NCOA6: variants seen among roughly 807,000 people sequenced by gnomAD.
NCOA6 encodes nuclear receptor coactivator 6.
In NCOA6, 49 loss-of-function variants were observed where a neutral mutation model predicts 171.4. The observed-to-expected ratio is 0.29, with a 90% CI of 0.23 to 0.36. The LOEUF is 0.36. Ranked by LOEUF, NCOA6 falls within the 10% of genes least tolerant of loss-of-function variation. The pLI is 1.00. For missense variants in NCOA6, 2,248 were observed against 2,554.5 expected (o/e 0.88, Z 2.59); for synonymous variants, 910 against 927.5 (o/e 0.98, Z 0.34).
At chr20:34,799,199 T>A (rs1395639708) in intron 1 of NCOA6, among the ~76,000 whole-genome samples, 2 of 151,954 alleles carry the variant, frequency 1.3e-5, no homozygotes, top group Non-Finnish European at 2.9e-5. Context: ...GCAACTGACA[T>A]ACTAAAGAAT....
chr20:34,754,634 T>G, intron 8 of NCOA6, 88 bp downstream of exon 8: 1 of 1,492,148 alleles, frequency 6.7e-7, no homozygotes, highest in East Asian at 2.3e-5. Flanking sequence ...GACCAAGACT[T>G]ATTACTTATC....
intron 3 of NCOA6, chr20:34,776,723 A>T: frequency 1.8e-6 from 1 of 550,824 alleles, no homozygotes; most frequent in African/African-American, 1.9e-5. Flanking sequence ...TTTGGGTACA[A>T]ATTAGATAAT....
chr20:34,715,298 G>GT lies in NCOA6; in HGVS notation c.*23dup. 1 of 1,613,854 alleles carries GT rather than the reference G, an allele frequency of 6.2e-7. No homozygotes were observed. The highest frequency in any genetic ancestry group is 8.5e-7 in the Non-Finnish European group (1 of 1,179,782). On this transcript the variant is annotated 3_prime_UTR_variant, in exon 15 of 15. Coordinates refer to ENST00000359003, the MANE Select transcript of NCOA6 (RefSeq NM_014071.5). ...TTGTAAAAGTCACACACATTTCCAA[G>GT]TATCAAGTCGCAGTCCTGCTTGTTT...
At chr20:34,735,345 G>T (rs1022950592) in intron 12 of NCOA6, among the ~76,000 whole-genome samples, 7 of 152,084 alleles carry the variant, frequency 4.6e-5, no homozygotes, top group African/African-American at 1.7e-4. Context: ...TGGCAGCAAA[G>T]AAAGAATCTG....
chr20:34,776,285 TA>T lies in NCOA6; in HGVS notation c.391+7del. The T allele has an allele frequency of 2.5e-6, 4 of 1,612,630 alleles. No homozygotes were observed. The highest frequency in any genetic ancestry group is 3.4e-6 in the Non-Finnish European group (4 of 1,179,636). ...TGGTCTAGATGGGCACATGGCAAAG[TA>T]AAAGACCTTCAATCTGAACGGAGAG... On this transcript the variant is annotated splice_region_variant and intron_variant, in intron 4 of 14. Transcript: ENST00000359003.
At chr20:34,817,773 A>C (rs1354555080) in intron 1 of NCOA6, among the ~76,000 whole-genome samples, 1 of 152,216 alleles carries the variant, frequency 6.6e-6, no homozygotes, top group Non-Finnish European at 1.5e-5. Context: ...CACCCAATCT[A>C]GTGAGAAGTA....
chr20:34,801,917 A>C (rs78395534), intron 1 of NCOA6, among the ~76,000 whole-genome samples: 4,399 of 152,298 alleles, frequency 0.029, 226 homozygotes, highest in African/African-American at 0.1. Context: ...AAAAGCCACA[A>C]TAAAAAAGAA....
At chr20:34,799,313 A>G (rs972199340) in intron 1 of NCOA6, among the ~76,000 whole-genome samples, 1 of 152,236 alleles carries the variant, frequency 6.6e-6, no homozygotes, top group African/African-American at 2.4e-5. Flanking sequence ...AAAAGAATGA[A>G]GCACATCTAC....
At chr20:34,773,653 AG>A (rs1193889476) in intron 4 of NCOA6, among the ~76,000 whole-genome samples, 4 of 152,204 alleles carry the variant, frequency 2.6e-5, no homozygotes, top group African/African-American at 9.7e-5. Context: ...CCTCCCGAGT[AG>A]CTGGGACTAT....
chr20:34,761,420 A>C (rs538621415), intron 5 of NCOA6, among the ~76,000 whole-genome samples: 1 of 151,988 alleles, frequency 6.6e-6, no homozygotes, highest in African/African-American at 2.4e-5. Flanking sequence ...TTAAATCACT[A>C]AGTATTTATA....
chr20:34,719,109 G>A (rs892441547), intron 14 of NCOA6, among the ~76,000 whole-genome samples: 2 of 152,142 alleles, frequency 1.3e-5, no homozygotes, highest in African/African-American at 4.8e-5. Flanking sequence ...ATGTCACTGG[G>A]GGAACATTTA....
At chr20:34,803,086 C>T (rs2146493564) in intron 1 of NCOA6, among the ~76,000 whole-genome samples, 1 of 152,180 alleles carries the variant, frequency 6.6e-6, no homozygotes, top group South Asian at 2.1e-4. Context: ...GCTGGGATTA[C>T]AAGCATGAGC....
At chr20:34,764,481 G>A (rs1272079877) in intron 5 of NCOA6, among the ~76,000 whole-genome samples, 2 of 151,838 alleles carry the variant, frequency 1.3e-5, no homozygotes, top group Admixed American at 1.3e-4. Flanking sequence ...ATCACTTGAG[G>A]TCAGGAGTTC....
At position 34,741,699 on chromosome 20, in the gene NCOA6, T is replaced by G; in HGVS notation, c.4557A>C (p.Val1519=). The change falls in exon 11 of 15, where the codon GTA becomes GTC. Residue 1519 remains valine, a synonymous_variant. Transcript: ENST00000359003. ...CTTTTTTGAGGTCCTCCCCAGAAAC[T>G]ACTGGAGGTGTTACTTCCAGATCTG... ...GLTDLEVTPP[V]VSGEDLKKAS... 6.2e-7 allele frequency: 1 copy of G among 1,614,202 alleles called. No individual in the cohort carries two copies. The highest frequency in any genetic ancestry group is 8.5e-7 in the Non-Finnish European group (1 of 1,180,028).
chr20:34,778,062 G>A (rs532547889), intron 3 of NCOA6, among the ~76,000 whole-genome samples: 2 of 152,152 alleles, frequency 1.3e-5, no homozygotes, highest in African/African-American at 4.8e-5. Context: ...ATGCCACCAC[G>A]CCCAGCTAAT....
At position 34,740,489 on chromosome 20, in the gene NCOA6, G is replaced by A. The variant is rs1330629197; in HGVS notation, c.5767C>T (p.Pro1923Ser). 6 of 1,614,092 alleles carry A rather than the reference G, an allele frequency of 3.7e-6. No individual in the cohort carries two copies. The highest frequency in any genetic ancestry group is 5.1e-6 in the Non-Finnish European group (6 of 1,180,048). ...SVRSIVTTLV[P>S]SELISAVPTT... ...GGTACGGCGGAGATGAGCTCGGAGG[G>A]TACCAGAGTGGTTACTATCGAGCGT... Residue 1923 changes from proline to serine, a missense_variant, in exon 11 of 15, where the codon CCC (proline) becomes TCC (serine). Physicochemically the swap from Pro to Ser is moderately conservative, Grantham distance 74. Around this residue, in one of 7 missense-constraint regions of NCOA6, gnomAD observed 884 missense variants for 941.9 expected, o/e 0.94. Transcript: ENST00000359003.
At position 34,749,958 on chromosome 20, in the gene NCOA6, C is replaced by T. The variant is rs747737606; in HGVS notation, c.2237G>A (p.Gly746Glu). Reference protein sequence around the residue: ...VMPGPAQIMRGPTPNMQGNMV... With the variant: ...VMPGPAQIMREPTPNMQGNMV... ...ATTTCCTTGCATGTTTGGAGTTGGT[C>T]CCCTCATTATCTGGGCTGGTCCCGG... Residue 746 changes from glycine to glutamate, a missense_variant, in exon 9 of 15, where the codon GGA becomes GAA. By Grantham distance (98) the Gly-to-Glu change is moderately conservative (BLOSUM62 -2). This residue lies in a region of NCOA6 where 987 missense variants were observed against 1,104.7 expected (regional missense o/e 0.89). Transcript: ENST00000359003. 6.2e-7 allele frequency: 1 copy of T among 1,614,062 alleles called. No individual in the cohort carries two copies. Among genetic ancestry groups the T allele is most frequent in the Admixed American group, 1.7e-5 (1 of 60,022 alleles).
At chr20:34,779,300 C>T (rs1277280766) in intron 3 of NCOA6, among the ~76,000 whole-genome samples, 5 of 151,978 alleles carry the variant, frequency 3.3e-5, no homozygotes, top group Non-Finnish European at 7.4e-5. Flanking sequence ...CACTTGAGCT[C>T]AGGAGTTTGA....
intron 2 of NCOA6, among the ~76,000 whole-genome samples, chr20:34,790,723 C>T (rs186354906): frequency 6.6e-6 from 1 of 151,908 alleles, no homozygotes; most frequent in Non-Finnish European, 1.5e-5. Flanking sequence ...GATCTTGGCT[C>T]ACTGCAACCT....
Sources: gnomAD v4.1 joint callset for allele counts (sites outside exome capture counted in the v4.1 genomes callset) on GRCh38, gnomAD v4.1.1 for gene constraint, gnomAD v4.1.1 regional missense constraint, MANE v1.5 for transcripts, NCBI Gene and HGNC (gene_info 2026-07-23, HGNC 2026-07-21) for gene names.